The following LRRFIP2 variants were observed in gnomAD, a reference collection of about 807,000 sequenced individuals.
LRRFIP2 encodes leucine-rich repeat flightless-interacting protein 2.
In LRRFIP2, 109 loss-of-function variants were observed where a neutral mutation model predicts 125.9. The ratio of observed to expected loss-of-function variants is 0.87; its 90% CI spans 0.74 to 1.01. LRRFIP2 has a LOEUF of 1.01. LRRFIP2 is among the 50% of genes least tolerant of loss of function. The pLI is 0.00. For synonymous variants in LRRFIP2, 291 were observed against 293.1 expected (o/e 0.99, Z 0.07); for missense variants, 850 against 862.3 (o/e 0.99, Z 0.18).
At chr3:37,124,723 T>C (rs1484579860) in intron 4 of LRRFIP2, among the ~76,000 whole-genome samples, 1 of 152,170 alleles carries the variant, frequency 6.6e-6, no homozygotes, top group East Asian at 1.9e-4. Flanking sequence ...ACTGGCTAAA[T>C]TTCCACCAAT....
chr3:37,130,452 G>T (rs550359942), intron 2 of LRRFIP2, among the ~76,000 whole-genome samples: 162 of 152,304 alleles, frequency 1.1e-3, no homozygotes, highest in Middle Eastern at 6.8e-3. Flanking sequence ...ACAGAAAGAA[G>T]AAAGGTAAAA....
chr3:37,173,839 A>G (rs2096619443), intron 1 of LRRFIP2, among the ~76,000 whole-genome samples: 2 of 152,232 alleles, frequency 1.3e-5, no homozygotes, highest in African/African-American at 4.8e-5. Flanking sequence ...TTTTGTTTTG[A>G]GAGACAGAGA....
chr3:37,072,679 G>A, intron 21 of LRRFIP2, 111 bp downstream of exon 21: 1 of 635,812 alleles, frequency 1.6e-6, no homozygotes, highest in Non-Finnish European at 2.7e-6. Flanking sequence ...TTTTCATACT[G>A]TGTAAATGCT....
intron 2 of LRRFIP2, among the ~76,000 whole-genome samples, chr3:37,147,808 G>A (rs1253395164): frequency 6.6e-6 from 1 of 152,168 alleles, no homozygotes; most frequent in Non-Finnish European, 1.5e-5. Context: ...AAACAAAGTT[G>A]GCAATTAAGT....
chr3:37,114,647 T>C (rs1437369338), intron 7 of LRRFIP2, among the ~76,000 whole-genome samples: 1 of 152,054 alleles, frequency 6.6e-6, no homozygotes, highest in Non-Finnish European at 1.5e-5. Context: ...TAGCTGGGCA[T>C]GGTGGCACAT....
intron 17 of LRRFIP2, among the ~76,000 whole-genome samples, 178 bp downstream of exon 17, chr3:37,094,614 T>A (rs946543695): frequency 6.6e-6 from 1 of 152,152 alleles, no homozygotes; most frequent in African/African-American, 2.4e-5. Flanking sequence ...AAAAGAACTA[T>A]CTAATCTCCT....
Position 37,062,965 on chromosome 3 carries a change from A to G in LRRFIP2, c.1749+777T>C, listed in dbSNP as rs144733199. Among the ~76,000 whole-genome samples, 216 of 152,324 alleles carry G rather than the reference A, an allele frequency of 1.4e-3. 1 individual carries two copies. The highest frequency in any genetic ancestry group is 2.8e-3 in the Non-Finnish European group (191 of 68,022). ...GAAGGGTGACCACATCTATGTACCG[A>G]GAGGGCAAGTCACTAGTTTAGAAAG... On this transcript the variant is annotated intron_variant, in intron 24 of 27. Transcript: ENST00000336686.
At chr3:37,118,019 T>C (rs1272567343) in intron 6 of LRRFIP2, among the ~76,000 whole-genome samples, 8 of 152,150 alleles carry the variant, frequency 5.3e-5, no homozygotes, top group Non-Finnish European at 2.9e-5. Flanking sequence ...AAATAGTAAC[T>C]AAATACATGC....
At chr3:37,094,168 A>G (rs1368015822) in intron 17 of LRRFIP2, among the ~76,000 whole-genome samples, 1 of 152,214 alleles carries the variant, frequency 6.6e-6, no homozygotes, top group Admixed American at 6.5e-5. Context: ...CAAGTGCTCA[A>G]TAAATCTTGA....
chr3:37,076,605 G>A (rs1169840062), intron 19 of LRRFIP2, among the ~76,000 whole-genome samples: 4 of 152,114 alleles, frequency 2.6e-5, no homozygotes, highest in Non-Finnish European at 4.4e-5. Context: ...GGTGGCTCAC[G>A]CCTGTAATCC....
chr3:37,129,253 G>GTGGA, intron 2 of LRRFIP2, 104 bp from the exon 3 acceptor site: 1 of 913,014 alleles, frequency 1.1e-6, no homozygotes, highest in Non-Finnish European at 1.7e-6. Flanking sequence ...AAAGGGGTGG[G>GTGGA]CAGGAGAAGA....
rs767215845 is a variant in LRRFIP2, at chr3:37,075,129, AAAT to A, written c.1279-16_1279-14del. On this transcript the variant is annotated splice_polypyrimidine_tract_variant and intron_variant, in intron 19 of 27. Transcript: ENST00000336686. ...GCCTTTCTAACTCCTGTTATTAAAC[AAAT>A]AATATCATTTACACAGGTCATGGCA... is the stretch of plus-strand genomic sequence containing the variant. 3 of 1,571,874 alleles carry A rather than the reference AAAT, an allele frequency of 1.9e-6. No individual in the cohort carries two copies. The South Asian group carries it at 3.3e-5, about 17-fold the overall frequency.
rs189560814 is a variant in LRRFIP2 at position 37,072,723 on chromosome 3, T to C, written c.1464+67A>G. On this transcript the variant is annotated intron_variant, in intron 21 of 27. Coordinates refer to ENST00000336686, the MANE Select transcript of LRRFIP2 (RefSeq NM_006309.4). ...ATCAAAAGGACAGGTTTTTTCAATC[T>C]CTAGGTTAAATTCTACTGTAGTCCT... The C allele has an allele frequency of 5.4e-6, 5 of 933,814 alleles. No individual in the cohort carries two copies. In the Admixed American group the frequency reaches 1.1e-4, roughly 20 times the overall value. The allele number at this position is 933,814 out of a possible 1,614,324, so 57.8% of individuals were successfully genotyped here. A position where few individuals can be genotyped will look rare whatever the true frequency, so the allele number is the denominator to read the frequency against.
At chr3:37,105,927 T>C (rs554797376) in intron 13 of LRRFIP2, among the ~76,000 whole-genome samples, 3 of 152,210 alleles carry the variant, frequency 2.0e-5, no homozygotes, top group South Asian at 4.1e-4. Context: ...TAGCCGGGTA[T>C]GGTGGCGGGT....
intron 1 of LRRFIP2, among the ~76,000 whole-genome samples, chr3:37,165,512 T>C (rs893525301): frequency 6.6e-6 from 1 of 151,926 alleles, no homozygotes; most frequent in Non-Finnish European, 1.5e-5. Flanking sequence ...ATCCCAGCAC[T>C]TTGGGAGGCC....
intron 2 of LRRFIP2, among the ~76,000 whole-genome samples, chr3:37,145,677 G>T (rs775678193): frequency 8.7e-4 from 133 of 152,110 alleles, no homozygotes; most frequent in Non-Finnish European, 8.5e-4. Context: ...CAAGACTTTT[G>T]TGAGAATCAA....
At chr3:37,171,252 C>A (rs1211157368) in intron 1 of LRRFIP2, among the ~76,000 whole-genome samples, 1 of 152,152 alleles carries the variant, frequency 6.6e-6, no homozygotes, top group Non-Finnish European at 1.5e-5. Context: ...TATAACTCCC[C>A]CTTCTGTGCT....
chr3:37,104,773 A>G (rs184163942), intron 14 of LRRFIP2, among the ~76,000 whole-genome samples: 1 of 152,264 alleles, frequency 6.6e-6, no homozygotes, highest in Admixed American at 6.5e-5. Flanking sequence ...CTCTACAATT[A>G]TTATCCAATT....
chr3:37,101,708 A>T (rs1295952918), intron 15 of LRRFIP2, among the ~76,000 whole-genome samples: 1 of 151,830 alleles, frequency 6.6e-6, no homozygotes, highest in Non-Finnish European at 1.5e-5. Context: ...AAAGAAAGAA[A>T]AATGCCACCT....
Sources: gnomAD v4.1 joint callset for allele counts (sites outside exome capture counted in the v4.1 genomes callset) on GRCh38, gnomAD v4.1.1 for gene constraint, MANE v1.5 for transcripts, NCBI Gene and HGNC (gene_info 2026-07-23, HGNC 2026-07-21) for gene names.